SPECC1L: variants seen among roughly 807,000 people sequenced by gnomAD.
SPECC1L encodes the protein sperm antigen with calponin homology and coiled-coil domains 1 like.
Under a neutral mutation model 116.8 loss-of-function variants are expected in SPECC1L, and 40 were observed. The observed-to-expected ratio is 0.34, with a 90% CI of 0.27 to 0.45. SPECC1L has a LOEUF of 0.45. Ranked by LOEUF, SPECC1L falls within the 20% of genes least tolerant of loss-of-function variation. The pLI is 1.00. For missense variants in SPECC1L, 1,110 were observed against 1,373.6 expected, an observed-to-expected ratio of 0.81 and a Z score of 3.03; for synonymous variants, 504 against 500.6, an observed-to-expected ratio of 1.01 and a Z score of -0.09.
intron 2 of SPECC1L, among the ~76,000 whole-genome samples, chr22:24,283,579 A>G (rs1349792201): frequency 6.6e-6 from 1 of 152,220 alleles, no homozygotes; most frequent in Non-Finnish European, 1.5e-5. Flanking sequence ...TTTGGTATCA[A>G]AGTAATGCTG....
chr22:24,350,565 G>C (rs1380064119), intron 11 of SPECC1L, among the ~76,000 whole-genome samples: 1 of 152,184 alleles, frequency 6.6e-6, no homozygotes, highest in Non-Finnish European at 1.5e-5. Flanking sequence ...TGGCCCACAA[G>C]TCAAAGATTT....
intron 3 of SPECC1L, among the ~76,000 whole-genome samples, chr22:24,309,884 A>G (rs1315599988): frequency 6.6e-6 from 1 of 151,740 alleles, no homozygotes; most frequent in Non-Finnish European, 1.5e-5. Flanking sequence ...TTATTTGTTT[A>G]TTTTCAGCAT....
At chr22:24,410,916 C>T (rs927590380) in intron 14 of SPECC1L, among the ~76,000 whole-genome samples, 7 of 152,100 alleles carry the variant, frequency 4.6e-5, no homozygotes, top group South Asian at 2.1e-4. Context: ...CGGCCAGGTG[C>T]GGTGGCTCAC....
At chr22:24,384,020 A>G (rs2146705031) in intron 14 of SPECC1L, among the ~76,000 whole-genome samples, 1 of 152,040 alleles carries the variant, frequency 6.6e-6, no homozygotes, top group South Asian at 2.1e-4. Flanking sequence ...GTGTTTCACA[A>G]CCACTGAACA....
intron 12 of SPECC1L, 138 bp from the exon 13 acceptor site, chr22:24,365,338 T>C: frequency 1.3e-6 from 1 of 784,562 alleles, no homozygotes; most frequent in Non-Finnish European, 2.0e-6. Flanking sequence ...AAATAAGAAA[T>C]ACTTTCCAGT....
At chr22:24,315,735 C>G (rs2040549162) in intron 4 of SPECC1L, among the ~76,000 whole-genome samples, 1 of 152,076 alleles carries the variant, frequency 6.6e-6, no homozygotes, top group Admixed American at 6.5e-5. Flanking sequence ...CTGGGGATGT[C>G]ATAACAAAAT....
intron 14 of SPECC1L, among the ~76,000 whole-genome samples, chr22:24,396,835 A>G (rs888824520): frequency 6.6e-6 from 1 of 152,170 alleles, no homozygotes; most frequent in African/African-American, 2.4e-5. Flanking sequence ...ACTGTGTTTT[A>G]ATACCAAGGA....
chr22:24,375,279 A>G (rs1414234795), intron 14 of SPECC1L, among the ~76,000 whole-genome samples: 1 of 152,190 alleles, frequency 6.6e-6, no homozygotes, highest in Non-Finnish European at 1.5e-5. Flanking sequence ...TACTTCTCAA[A>G]CTCTTCCAAA....
intron 4 of SPECC1L, among the ~76,000 whole-genome samples, chr22:24,320,023 C>T (rs1483267930): frequency 1.3e-5 from 2 of 152,266 alleles, no homozygotes; most frequent in East Asian, 3.8e-4. Context: ...CCTGTAATCC[C>T]AGCACGCTGG....
intron 11 of SPECC1L, among the ~76,000 whole-genome samples, chr22:24,361,373 A>G (rs1298309526): frequency 1.3e-5 from 2 of 152,006 alleles, no homozygotes; most frequent in Non-Finnish European, 2.9e-5. Context: ...TGGGCAACAG[A>G]GCAAGGTCCT....
chr22:24,378,514 CT>C (rs1468281606), intron 14 of SPECC1L, among the ~76,000 whole-genome samples: 1 of 152,226 alleles, frequency 6.6e-6, no homozygotes, highest in African/African-American at 2.4e-5. Context: ...AACTTTCAGC[CT>C]TTTGGCTTTT....
Position 24,324,247 on chromosome 22 carries a change from G to C in SPECC1L, c.1966G>C (p.Glu656Gln), listed in dbSNP as rs2040775303. ...KVEDEYRAFQEEAKKQIEDLN... is the reference protein window; with the variant it reads ...KVEDEYRAFQQEAKKQIEDLN... The stretch of plus-strand genomic sequence containing the variant: ...AGAGGATGAATACCGAGCCTTCCAA[G>C]AAGAAGCTAAGAAACAAATTGAAGA... The change falls in exon 6 of 17, where the codon GAA (glutamate) becomes CAA (glutamine). Residue 656 changes from glutamate (E) to glutamine (Q), a missense_variant. Physicochemically the swap from Glu to Gln is conservative, Grantham distance 29 (BLOSUM62 2). Transcript: ENST00000314328. The C allele has an allele frequency of 6.2e-7, 1 of 1,613,848 alleles. No individual in the cohort carries two copies. The highest frequency in any genetic ancestry group is 1.3e-5 in the African/African-American group (1 of 74,898).
At chr22:24,392,256 T>C (rs1479405972) in intron 14 of SPECC1L, among the ~76,000 whole-genome samples, 2 of 152,248 alleles carry the variant, frequency 1.3e-5, no homozygotes, top group Non-Finnish European at 2.9e-5. Context: ...AGTAACATTT[T>C]CAAGAGCTGC....
chr22:24,383,790 CTATTTTTTTTTT>C (rs1430492110), intron 14 of SPECC1L, among the ~76,000 whole-genome samples: 18 of 77,186 alleles, frequency 2.3e-4, no homozygotes, highest in African/African-American at 9.3e-4. Flanking sequence ...GCACCCACCA[CTATTTTTTTTTT>C]TTTTTTTTTT....
chr22:24,274,697 C>T (rs1302201485), intron 1 of SPECC1L, among the ~76,000 whole-genome samples: 2 of 152,330 alleles, frequency 1.3e-5, no homozygotes, highest in Non-Finnish European at 2.9e-5. Context: ...AGGTTTACTT[C>T]TGCCTGTATC....
intron 5 of SPECC1L, 151 bp downstream of exon 5, chr22:24,323,069 T>C: frequency 1.4e-6 from 2 of 1,414,776 alleles, no homozygotes; most frequent in Non-Finnish European, 1.8e-6. Context: ...TGGTTTCCTT[T>C]TATTGGAATA....
intron 10 of SPECC1L, among the ~76,000 whole-genome samples, chr22:24,339,190 C>T (rs187441256): frequency 2.6e-4 from 40 of 152,296 alleles, no homozygotes; most frequent in African/African-American, 9.4e-4. Flanking sequence ...CAGGCTCCTT[C>T]ACAGCATGGT....
chr22:24,403,105 C>A (rs991995596), intron 14 of SPECC1L, among the ~76,000 whole-genome samples: 16 of 152,110 alleles, frequency 1.1e-4, no homozygotes, highest in African/African-American at 3.4e-4. Context: ...TGAAACAGGC[C>A]CTGTCTGTCC....
At chr22:24,335,898 T>C (rs1015352207) in intron 9 of SPECC1L, among the ~76,000 whole-genome samples, 2 of 152,108 alleles carry the variant, frequency 1.3e-5, no homozygotes, top group African/African-American at 4.8e-5. Context: ...TAATACTATC[T>C]TTACAGACTC....
Sources: gnomAD v4.1 joint callset for allele counts (sites outside exome capture counted in the v4.1 genomes callset) on GRCh38, gnomAD v4.1.1 for gene constraint, MANE v1.5 for transcripts, NCBI Gene and HGNC (gene_info 2026-07-23, HGNC 2026-07-21) for gene names.